Variants in RNF123 observed in about 807,000 individuals in gnomAD.
RNF123 encodes ring finger protein 123.
Under a neutral mutation model 168.5 loss-of-function variants are expected in RNF123, and 86 were observed. The observed-to-expected ratio is 0.51, with a 90% CI of 0.43 to 0.61. The LOEUF (loss-of-function observed/expected upper bound fraction) is 0.61, where lower values mean the gene tolerates loss of function less well. Ranked by LOEUF, RNF123 falls within the 20% of genes least tolerant of loss-of-function variation. The pLI, the probability that RNF123 is intolerant of heterozygous loss-of-function variation, is 0.00. For synonymous variants in RNF123, 666 were observed against 689.1 expected (o/e 0.97, Z 0.52); for missense variants, 1,419 against 1,729.7 (o/e 0.82, Z 3.19).
intron 13 of RNF123, 47 bp from the exon 14 acceptor site, chr3:49,700,425 C>A (rs1262089604): frequency 6.2e-7 from 1 of 1,611,886 alleles, no homozygotes; most frequent in Non-Finnish European, 8.5e-7. Context: ...CGGGGAGAAT[C>A]TTGGAAAAGG....
rs775785862 is a variant in RNF123 at position 49,698,960 on chromosome 3, A to G, written c.639-20A>G. On this transcript the variant is annotated intron_variant, in intron 9 of 38. Transcript: ENST00000327697. The stretch of plus-strand genomic sequence containing the variant: ...AGCCACATGCTTAGCACTGGCTCAC[A>G]GACCCACCCTTCTCCCCAGGAACGG... 1.2e-6 allele frequency: 2 copies of G among 1,613,230 alleles called. No individual in the cohort carries two copies. Among genetic ancestry groups the G allele is most frequent in the South Asian group, 2.2e-5 (2 of 91,016 alleles).
intron 15 of RNF123, 32 bp downstream of exon 15, chr3:49,700,741 C>T (rs1224766626): frequency 6.2e-7 from 1 of 1,609,192 alleles, no homozygotes; most frequent in Admixed American, 1.7e-5. Context: ...GCAGGCCAGA[C>T]ATGGGGTGCC....
intron 4 of RNF123, 40 bp downstream of exon 4, chr3:49,697,262 G>A: frequency 1.2e-6 from 2 of 1,605,516 alleles, no homozygotes; most frequent in South Asian, 1.1e-5. Flanking sequence ...GAGGTGCAGA[G>A]CTGGGACGTA....
At chr3:49,713,710 C>G in intron 28 of RNF123, 28 bp from the exon 29 acceptor site, 1 of 1,583,026 alleles carries the variant, frequency 6.3e-7, no homozygotes, top group Non-Finnish European at 8.6e-7. Context: ...ATGCCAAGCC[C>G]CTGCTGAGGC....
chr3:49,706,104 A>G (rs1314404850), intron 25 of RNF123, 39 bp downstream of exon 25: 3 of 1,567,242 alleles, frequency 1.9e-6, no homozygotes, highest in Admixed American at 3.3e-5. Context: ...CAGCTTGCTT[A>G]CTCGTACAGG....
intron 1 of RNF123, among the ~76,000 whole-genome samples, chr3:49,690,673 G>A (rs1461539220): frequency 6.6e-6 from 1 of 152,232 alleles, no homozygotes; most frequent in Non-Finnish European, 1.5e-5. Context: ...GGGACTTATG[G>A]CTAGAGATGA....
In RNF123 at chr3:49,702,642, A is replaced by G. The variant is rs1175899555; in HGVS notation, c.1639A>G (p.Met547Val). 6 of 1,614,102 alleles carry G rather than the reference A, an allele frequency of 3.7e-6. No homozygotes were observed. The highest frequency in any genetic ancestry group is 5.1e-6 in the Non-Finnish European group (6 of 1,180,042). The change falls in exon 20 of 39, where the codon ATG (methionine) becomes GTG (valine). Residue 547 changes from methionine (M) to valine (V), a missense_variant. By Grantham distance (21) the Met-to-Val change is conservative. Coordinates refer to ENST00000327697, the MANE Select transcript of RNF123 (RefSeq NM_022064.5). The part of the protein sequence containing the change: ...ENASGRGNMP[M>V]LCPPEYMVCF... Reference sequence around the variant, plus strand: ...TGCCTGGTGTCCACAGAACATGCCCATGCTCTGCCCCCCTGAGTACATGGT... The same window carrying G: ...TGCCTGGTGTCCACAGAACATGCCCGTGCTCTGCCCCCCTGAGTACATGGT...
rs536698208 is a variant in RNF123, at chr3:49,721,494, A to G, written c.*189A>G. ...TTGTGCCTGAGCTTGACTTTCAGTC[A>G]GGGCCACAGTGAGCATTAAATTATT... On this transcript the variant is annotated 3_prime_UTR_variant, in exon 39 of 39. Coordinates refer to ENST00000327697, the MANE Select transcript of RNF123 (RefSeq NM_022064.5). 406 of 881,494 alleles carry G rather than the reference A, an allele frequency of 4.6e-4. 1 individual carries two copies. Among genetic ancestry groups the G allele is most frequent in the Middle Eastern group, 4.3e-4 (2 of 4,694 alleles). 54.6% of individuals were successfully genotyped at this position (881,494 alleles called of 1,614,324 possible). A position where few individuals can be genotyped will look rare whatever the true frequency, so the allele number is the denominator to read the frequency against.
At chr3:49,719,580 G>T in intron 35 of RNF123, 1 of 941,054 alleles carries the variant, frequency 1.1e-6, no homozygotes, top group Non-Finnish European at 1.6e-6. Context: ...TGCCGAGGAG[G>T]CACGGCGGGT....
At chr3:49,714,019 G>A in intron 30 of RNF123, 22 bp downstream of exon 30, 1 of 1,614,032 alleles carries the variant, frequency 6.2e-7, no homozygotes, top group Non-Finnish European at 8.5e-7. Flanking sequence ...TCGAGGGGAA[G>A]TGGCTGAGGC....
chr3:49,691,140 C>A lies in RNF123; in HGVS notation c.-26C>A, dbSNP rs1353642911. Reference sequence around the variant, plus strand: ...CTGTGTCTGGCTCAGCCCCCAGGACCACTGGCTGCCCATGAGAGATGAAGG... The same window carrying A: ...CTGTGTCTGGCTCAGCCCCCAGGACAACTGGCTGCCCATGAGAGATGAAGG... On this transcript the variant is annotated 5_prime_UTR_variant, in exon 2 of 39. Transcript: ENST00000327697. 2.5e-6 allele frequency: 4 copies of A among 1,610,436 alleles called. No individual in the cohort carries two copies. The highest frequency in any genetic ancestry group is 3.4e-6 in the Non-Finnish European group (4 of 1,177,000).
chr3:49,702,537 C>G, intron 19 of RNF123, 96 bp from the exon 20 acceptor site: 1 of 1,608,374 alleles, frequency 6.2e-7, no homozygotes, highest in Non-Finnish European at 8.5e-7. Context: ...CTTTTCCCTC[C>G]CTGCTTAACC....
chr3:49,718,873 A>T, intron 35 of RNF123: 1 of 1,613,440 alleles, frequency 6.2e-7, no homozygotes, highest in Non-Finnish European at 8.5e-7. Flanking sequence ...AGGTACGGAG[A>T]TGTGTCCCAG....
In RNF123 at chr3:49,699,823, A is replaced by C; in HGVS notation, c.984+51A>C. On this transcript the variant is annotated intron_variant, in intron 12 of 38. Coordinates refer to ENST00000327697, the MANE Select transcript of RNF123 (RefSeq NM_022064.5). The surrounding 1 kb of genome is among the most constrained non-coding windows in gnomAD (Gnocchi z 4.8). ...GAGGGGAGGAGACAGGCCATGCTAGACACGCCCGTGGTAGATGTGCCCTCA... is the reference window on the plus strand; with the variant it reads ...GAGGGGAGGAGACAGGCCATGCTAGCCACGCCCGTGGTAGATGTGCCCTCA... The C allele has an allele frequency of 6.4e-7, 1 of 1,557,790 alleles. No individual in the cohort carries two copies. The highest frequency in any genetic ancestry group is 8.8e-7 in the Non-Finnish European group (1 of 1,132,614).
rs746644957 is a variant in RNF123, at chr3:49,701,806, C to G, written c.1396-5C>G. The G allele has an allele frequency of 2.2e-5, 34 of 1,568,014 alleles. No homozygotes were observed. Among genetic ancestry groups the G allele is most frequent in the Non-Finnish European group, 2.9e-5 (33 of 1,156,308 alleles). On this transcript the variant is annotated splice_polypyrimidine_tract_variant and splice_region_variant and intron_variant, in intron 16 of 38. Coordinates refer to ENST00000327697, the MANE Select transcript of RNF123 (RefSeq NM_022064.5). ...TGCTGTATTCCACCTGCTACCCCTG[C>G]CTAGGGCAAAGAGAGCACGGAGATG... is the stretch of plus-strand genomic sequence containing the variant.
rs13325326 is a variant in RNF123 at position 49,714,542 on chromosome 3, A to G, written c.3010+368A>G. Among the ~76,000 whole-genome samples the G allele has an allele frequency of 5.3e-3, 804 of 152,336 alleles. 8 individuals are homozygous for G. Among genetic ancestry groups the G allele is most frequent in the African/African-American group, 0.019 (769 of 41,556 alleles). ...GCTCCCTGACCTCCAGCCTTGTCCCAGCACCATGTCCTTCTGCTTCTTTTT... is the reference window on the plus strand; with the variant it reads ...GCTCCCTGACCTCCAGCCTTGTCCCGGCACCATGTCCTTCTGCTTCTTTTT... On this transcript the variant is annotated intron_variant, in intron 31 of 38. Coordinates refer to ENST00000327697, the MANE Select transcript of RNF123 (RefSeq NM_022064.5).
chr3:49,707,445 C>G (rs1446500339), intron 26 of RNF123, among the ~76,000 whole-genome samples: 2 of 152,184 alleles, frequency 1.3e-5, no homozygotes, highest in Admixed American at 6.5e-5. Flanking sequence ...GGCACTCAGC[C>G]TGGTCAGATA....
At position 49,701,907 on chromosome 3, in the gene RNF123, G is replaced by A. The variant is rs1242586580; in HGVS notation, c.1492G>A (p.Glu498Lys). Reference protein sequence around the residue: ...RGCQRLRKRIEVVEELQVQIL... With the variant: ...RGCQRLRKRIKVVEELQVQIL... ...CTGTCAGCGGCTCAGGAAGCGCATC[G>A]AAGGTCAGCCCGCCTTGGGCACGGG... Residue 498 changes from glutamate (E) to lysine (K), a missense_variant, in exon 17 of 39, where the codon GAA becomes AAA. This residue lies in a region of RNF123 where 349 missense variants were observed against 344.9 expected (regional missense o/e 1.01). Coordinates refer to ENST00000327697, the MANE Select transcript of RNF123 (RefSeq NM_022064.5). 3.2e-6 allele frequency: 5 copies of A among 1,560,432 alleles called. No individual in the cohort carries two copies. The highest frequency in any genetic ancestry group is 4.7e-5 in the East Asian group (2 of 42,484).
intron 3 of RNF123, among the ~76,000 whole-genome samples, chr3:49,692,388 G>A (rs775050620): frequency 6.6e-6 from 1 of 152,068 alleles, no homozygotes; most frequent in Non-Finnish European, 1.5e-5. Context: ...TATTTATAGG[G>A]TACATGAGAT....
Sources: gnomAD v4.1 joint callset for allele counts (sites outside exome capture counted in the v4.1 genomes callset) on GRCh38, gnomAD v4.1.1 for gene constraint, gnomAD v4.1.1 regional missense constraint, Gnocchi (gnomAD v3.1) non-coding constraint, MANE v1.5 for transcripts, NCBI Gene and HGNC (gene_info 2026-07-23, HGNC 2026-07-21) for gene names.